ABHD17B: variants seen among roughly 807,000 people sequenced by gnomAD.
ABHD17B encodes abhydrolase domain containing 17B, depalmitoylase, also known as alpha/beta hydrolase domain-containing protein 17B.
In ABHD17B, 9 loss-of-function variants were observed where a neutral mutation model predicts 26.2. The observed-to-expected ratio is 0.34, with a 90% CI of 0.21 to 0.60. The LOEUF (loss-of-function observed/expected upper bound fraction) is 0.60. ABHD17B is among the 20% of genes least tolerant of loss of function. The pLI is 0.80. For missense variants in ABHD17B, 224 were observed against 352.1 expected, an observed-to-expected ratio of 0.64 and a Z score of 2.91; for synonymous variants, 127 against 122.3, an observed-to-expected ratio of 1.04 and a Z score of -0.25.
chr9:71,887,077 C>A (rs1004013339), intron 1 of ABHD17B, among the ~76,000 whole-genome samples: 5 of 151,730 alleles, frequency 3.3e-5, no homozygotes, highest in African/African-American at 1.2e-4. Context: ...GTAAACTGAA[C>A]AAACGCCTTA....
At chr9:71,864,663 T>A (rs1448495707), downstream of ABHD17B, among the ~76,000 whole-genome samples, 1 of 152,140 alleles carries the variant, frequency 6.6e-6, no homozygotes, top group Non-Finnish European at 1.5e-5. Flanking sequence ...ACCACTTCTC[T>A]GGGGGACTCT....
At chr9:71,875,210 T>G in intron 1 of ABHD17B, 127 bp from the exon 2 acceptor site, 1 of 754,980 alleles carries the variant, frequency 1.3e-6, no homozygotes, top group Non-Finnish European at 2.1e-6. Flanking sequence ...TAGGTATGAT[T>G]CCAAACAGAT....
chr9:71,862,482 T>C, downstream of ABHD17B: 1 of 1,361,596 alleles, frequency 7.3e-7, no homozygotes, highest in Non-Finnish European at 9.8e-7. Context: ...TGTCATATAA[T>C]TTGAAAGGAT....
At chr9:71,899,467 C>T (rs1019471915) in intron 1 of ABHD17B, among the ~76,000 whole-genome samples, 7 of 152,280 alleles carry the variant, frequency 4.6e-5, no homozygotes, top group Middle Eastern at 3.4e-3. Context: ...GTGGTTTGCT[C>T]ACCCTTACAA....
Position 71,870,666 on chromosome 9 carries a change from TTC to T in ABHD17B, c.468-406_468-405del, listed in dbSNP as rs1826085690. Among the ~76,000 whole-genome samples the T allele has an allele frequency of 2.6e-5, 4 of 152,342 alleles. No individual in the cohort carries two copies. In the South Asian group the frequency reaches 8.3e-4, roughly 32 times the overall value. On this transcript the variant is annotated intron_variant, in intron 2 of 3. Coordinates refer to ENST00000333421, the MANE Select transcript of ABHD17B (RefSeq NM_001025780.3). The stretch of plus-strand genomic sequence containing the variant: ...GTTCAGTGTAACAAAAGTTATTTAT[TTC>T]TCCACACATCAAGAGTGGCTCATTT...
At chr9:71,905,878 C>G (rs1165754797) in intron 1 of ABHD17B, among the ~76,000 whole-genome samples, 3 of 151,844 alleles carry the variant, frequency 2.0e-5, no homozygotes, top group Non-Finnish European at 4.4e-5. Flanking sequence ...ATCCTTGTCT[C>G]TACAAAAAAA....
At chr9:71,901,660 C>CTA (rs1827145745) in intron 1 of ABHD17B, among the ~76,000 whole-genome samples, 1 of 152,090 alleles carries the variant, frequency 6.6e-6, no homozygotes, top group Admixed American at 6.6e-5. Flanking sequence ...CCCTTAAACT[C>CTA]TAGACTCTGA....
Position 71,870,709 on chromosome 9 carries a change from G to A in ABHD17B, c.468-447C>T, listed in dbSNP as rs116363399. Among the ~76,000 whole-genome samples the A allele has an allele frequency of 1.7e-3, 258 of 152,060 alleles. 3 individuals carry two copies. Among genetic ancestry groups the A allele is most frequent in the African/African-American group, 5.8e-3 (241 of 41,466 alleles). ...TGGCTCATTTTAATTTCCAAAATTG[G>A]TCATATTGATGAACTGTTACATATA... On this transcript the variant is annotated intron_variant, in intron 2 of 3. Coordinates refer to ENST00000333421, the MANE Select transcript of ABHD17B (RefSeq NM_001025780.3).
intron 1 of ABHD17B, among the ~76,000 whole-genome samples, chr9:71,890,064 C>T (rs1210056417): frequency 6.6e-6 from 1 of 151,814 alleles, no homozygotes; most frequent in Non-Finnish European, 1.5e-5. Flanking sequence ...AGTTTCAAGA[C>T]CAGCCTGGCC....
chr9:71,865,712 T>C lies in ABHD17B; in HGVS notation c.*1075A>G. ...CCTGTCTCTACTAAAAATACAAAAA[T>C]TAGCCAGGCGTGGTGGCAAGCATCT... is the stretch of plus-strand genomic sequence containing the variant. On this transcript the variant is annotated 3_prime_UTR_variant, in exon 4 of 4. Transcript: ENST00000333421. 1.6e-6 allele frequency: 1 copy of C among 622,196 alleles called. No homozygotes were observed. The highest frequency in any genetic ancestry group is 2.0e-6 in the Non-Finnish European group (1 of 498,750). The allele number at this position is 622,196 out of a possible 1,614,324, so 38.5% of individuals were successfully genotyped here. A position where few individuals can be genotyped will look rare whatever the true frequency, so the allele number is the denominator to read the frequency against.
At chr9:71,886,973 G>A (rs1346221078) in intron 1 of ABHD17B, among the ~76,000 whole-genome samples, 1 of 152,216 alleles carries the variant, frequency 6.6e-6, no homozygotes, top group Middle Eastern at 3.4e-3. Context: ...AGGTAAAGTT[G>A]CAATTTTTAA....
At chr9:71,904,737 T>C (rs1827235504) in intron 1 of ABHD17B, among the ~76,000 whole-genome samples, 1 of 151,934 alleles carries the variant, frequency 6.6e-6, no homozygotes, top group East Asian at 1.9e-4. Context: ...AAAAAACAGG[T>C]AAAGTAAAAA....
At chr9:71,909,614 T>C (rs1355507652) in intron 1 of ABHD17B, among the ~76,000 whole-genome samples, 1 of 152,224 alleles carries the variant, frequency 6.6e-6, no homozygotes, top group Non-Finnish European at 1.5e-5. Context: ...GTTTCATATG[T>C]TGGCACAAGA....
intron 1 of ABHD17B, among the ~76,000 whole-genome samples, chr9:71,881,867 C>G (rs1306948768): frequency 1.4e-5 from 2 of 139,616 alleles, no homozygotes; most frequent in Admixed American, 1.5e-4. Context: ...CCCTGGGGAA[C>G]AGAGCAAGAC....
At chr9:71,907,811 G>A (rs1365177696) in intron 1 of ABHD17B, among the ~76,000 whole-genome samples, 2 of 152,188 alleles carry the variant, frequency 1.3e-5, no homozygotes, top group Admixed American at 6.5e-5. Flanking sequence ...CACCGAGCCT[G>A]GCCGGACACT....
intron 1 of ABHD17B, among the ~76,000 whole-genome samples, chr9:71,903,314 CA>C (rs1564074754): frequency 6.6e-6 from 1 of 152,022 alleles, no homozygotes. Context: ...ACTGAAAAGT[CA>C]TAACTAAAAT....
intron 1 of ABHD17B, among the ~76,000 whole-genome samples, chr9:71,885,116 G>A (rs1266233892): frequency 1.3e-5 from 2 of 151,978 alleles, no homozygotes; most frequent in South Asian, 2.1e-4. Flanking sequence ...TTCCAGGGAG[G>A]AGGGAATCTT....
At chr9:71,887,966 G>C (rs1272473591) in intron 1 of ABHD17B, among the ~76,000 whole-genome samples, 1 of 152,216 alleles carries the variant, frequency 6.6e-6, no homozygotes, top group African/African-American at 2.4e-5. Context: ...TCCACGGTTT[G>C]ATGAATCAAA....
intron 2 of ABHD17B, among the ~76,000 whole-genome samples, chr9:71,872,515 T>G (rs1023620285): frequency 6.6e-6 from 1 of 152,138 alleles, no homozygotes; most frequent in African/African-American, 2.4e-5. Context: ...CATGTTTTGT[T>G]TGAGTAAAGT....
Sources: allele counts gnomAD v4.1 joint callset (sites outside exome capture counted in the v4.1 genomes callset), GRCh38; gene constraint gnomAD v4.1.1; transcripts MANE v1.5; gene names NCBI Gene and HGNC (gene_info 2026-07-23, HGNC 2026-07-21).